Variants in ZFHX3 observed in about 807,000 individuals in gnomAD.
ZFHX3 encodes the protein zinc finger homeobox protein 3.
A neutral mutation model predicts 279.1 loss-of-function variants in ZFHX3; 42 were observed. The ratio of observed to expected loss-of-function variants is 0.15; its 90% CI spans 0.12 to 0.19. ZFHX3 has a LOEUF of 0.19. Among genes scored for constraint, ZFHX3 ranks in the 10% least tolerant of loss-of-function variants. The probability of loss-of-function intolerance (pLI) is 1.00; values close to 1 mark genes in which losing one functional copy is unlikely to be tolerated. For synonymous variants in ZFHX3, 2,293 were observed against 1,957.8 expected, an observed-to-expected ratio of 1.17 and a Z score of -4.52; for missense variants, 4,981 against 4,754.0, an observed-to-expected ratio of 1.05 and a Z score of -1.40.
intron 3 of ZFHX3, among the ~76,000 whole-genome samples, chr16:72,929,501 GAT>G (rs933926696): frequency 2.5e-4 from 38 of 152,292 alleles, no homozygotes; most frequent in African/African-American, 9.1e-4. Context: ...ACATGAGAAC[GAT>G]ATGTCTAGAG....
chr16:73,250,776 C>T (rs563617048), intron 5 of ZFHX3, among the ~76,000 whole-genome samples: 14 of 152,084 alleles, frequency 9.2e-5, no homozygotes, highest in Non-Finnish European at 1.6e-4. Context: ...CCTCATGATC[C>T]GCCCGCCTCA....
At chr16:72,880,794 A>G (rs968516975) in intron 4 of ZFHX3, among the ~76,000 whole-genome samples, 1 of 152,216 alleles carries the variant, frequency 6.6e-6, no homozygotes, top group African/African-American at 2.4e-5. Context: ...AGGTCTCAAG[A>G]TAGTCTTGAG....
intron 2 of ZFHX3, among the ~76,000 whole-genome samples, chr16:73,677,983 A>C (rs1054942848): frequency 2.6e-5 from 4 of 152,124 alleles, no homozygotes; most frequent in African/African-American, 9.6e-5. Context: ...GTCTACTCCA[A>C]TAATTTATAA....
At chr16:73,317,888 A>G (rs2015490072) in intron 4 of ZFHX3, among the ~76,000 whole-genome samples, 1 of 152,234 alleles carries the variant, frequency 6.6e-6, no homozygotes. Context: ...GGGAATTCCC[A>G]TTCCCAATCT....
At chr16:73,192,045 C>T (rs180981328) in intron 5 of ZFHX3, among the ~76,000 whole-genome samples, 4 of 152,322 alleles carry the variant, frequency 2.6e-5, no homozygotes, top group African/African-American at 7.2e-5. Flanking sequence ...GGGGGGTTCA[C>T]GCAAAACTAT....
intron 7 of ZFHX3, among the ~76,000 whole-genome samples, chr16:73,124,833 C>T (rs1387454012): frequency 6.6e-6 from 1 of 152,188 alleles, no homozygotes; most frequent in Non-Finnish European, 1.5e-5. Flanking sequence ...GGTTGCTTAA[C>T]AGGACCCATA....
chr16:73,687,823 G>GCCAAACT lies in ZFHX3; in HGVS notation c.-1607-7584_-1607-7583insAGTTTGG, dbSNP rs397936576. ...AGATTGTGCCACTGCACTCCAAACTGGTGACAGAGCAAGACTCTGTCTCAA... is the reference window on the plus strand; with the variant it reads ...AGATTGTGCCACTGCACTCCAAACTGCCAAACTGTGACAGAGCAAGACTCTGTCTCAA... On this transcript the variant is annotated intron_variant, in intron 1 of 17. Transcript: ENST00000641206. 2.3e-5 allele frequency among the ~76,000 whole-genome samples: 3 copies of GCCAAACT among 131,498 alleles called. No homozygotes were observed. The Admixed American group carries it at 2.4e-4, about 10-fold the overall frequency. 86.3% of individuals were successfully genotyped at this position (131,498 alleles called of 152,430 possible). A position where few individuals can be genotyped will look rare whatever the true frequency, so the allele number is the denominator to read the frequency against.
intron 1 of ZFHX3, chr16:73,005,472 G>A (rs1198479494): frequency 6.6e-6 from 1 of 151,906 alleles, no homozygotes; most frequent in Non-Finnish European, 1.5e-5. Flanking sequence ...TCCAGCCTAG[G>A]TGAGGGAACA....
At chr16:73,194,508 T>C (rs1053485205) in intron 5 of ZFHX3, among the ~76,000 whole-genome samples, 1 of 152,204 alleles carries the variant, frequency 6.6e-6, no homozygotes, top group Non-Finnish European at 1.5e-5. Flanking sequence ...CCTTATTGCC[T>C]TCTTACTTGC....
chr16:72,931,057 A>G (rs1347029327), intron 3 of ZFHX3, among the ~76,000 whole-genome samples: 13 of 152,198 alleles, frequency 8.5e-5, no homozygotes, highest in Admixed American at 8.5e-4. Context: ...AAAGTTTCCA[A>G]ACATAAGCTG....
rs151040944 is a variant in ZFHX3, at chr16:73,260,176, T to A, written c.-1193-3040A>T. ...CATTTTAGGTTTGTCTGATGTTTCC[T>A]CATGATTAGATTCAGGGTATGCATT... On this transcript the variant is annotated intron_variant, in intron 4 of 17. Coordinates refer to the ZFHX3 transcript ENST00000641206. Among the ~76,000 whole-genome samples, 830 of 152,326 alleles carry A rather than the reference T, an allele frequency of 5.4e-3. 8 individuals carry two copies. The highest frequency in any genetic ancestry group is 0.027 in the South Asian group (130 of 4,828).
chr16:73,361,890 C>G (rs2016439183), intron 3 of ZFHX3, among the ~76,000 whole-genome samples: 1 of 152,192 alleles, frequency 6.6e-6, no homozygotes, highest in African/African-American at 2.4e-5. Flanking sequence ...GGAGGGATTT[C>G]TCTTCTTCAA....
At chr16:73,033,322 C>T (rs1358634189) in intron 1 of ZFHX3, among the ~76,000 whole-genome samples, 1 of 152,108 alleles carries the variant, frequency 6.6e-6, no homozygotes, top group Non-Finnish European at 1.5e-5. Flanking sequence ...AGAAACTTCC[C>T]CTCCCTTCCA....
intron 1 of ZFHX3, among the ~76,000 whole-genome samples, chr16:73,864,583 G>A (rs150609813): frequency 3.0e-4 from 46 of 152,216 alleles, no homozygotes; most frequent in African/African-American, 7.0e-4. Context: ...GCTGGGCATC[G>A]TGGCTGGCGC....
At chr16:73,079,012 T>A (rs368028722) in intron 8 of ZFHX3, among the ~76,000 whole-genome samples, 28 of 152,254 alleles carry the variant, frequency 1.8e-4, no homozygotes, top group Admixed American at 1.1e-3. Flanking sequence ...ATGGTGCCTT[T>A]TACCACCTCC....
chr16:73,255,304 C>G (rs1215272867), intron 5 of ZFHX3, among the ~76,000 whole-genome samples: 1 of 152,160 alleles, frequency 6.6e-6, no homozygotes, highest in South Asian at 2.1e-4. Context: ...ACATTAAATC[C>G]AAGTTATGCT....
intron 3 of ZFHX3, among the ~76,000 whole-genome samples, chr16:72,922,136 A>G (rs2039601868): frequency 6.6e-6 from 1 of 152,178 alleles, no homozygotes; most frequent in Non-Finnish European, 1.5e-5. Flanking sequence ...CTGCAGGGGC[A>G]CCAGAACCAG....
chr16:73,225,381 C>T (rs1452375335), intron 5 of ZFHX3, among the ~76,000 whole-genome samples: 1 of 151,910 alleles, frequency 6.6e-6, no homozygotes, highest in African/African-American at 2.4e-5. Context: ...CTTGTGAGGC[C>T]GAGGTGAGAG....
intron 5 of ZFHX3, among the ~76,000 whole-genome samples, chr16:73,201,857 C>G (rs1224197655): frequency 6.6e-6 from 1 of 152,212 alleles, no homozygotes; most frequent in Non-Finnish European, 1.5e-5. Context: ...TAGGCATTTA[C>G]TGGACTAAAC....
Sources: gnomAD v4.1 joint callset for allele counts (sites outside exome capture counted in the v4.1 genomes callset) on GRCh38, gnomAD v4.1.1 for gene constraint, MANE v1.5 for transcripts, NCBI Gene and HGNC (gene_info 2026-07-23, HGNC 2026-07-21) for gene names.